The following DLG2 variants were observed in gnomAD, a reference collection of about 807,000 sequenced individuals.
DLG2 encodes disks large homolog 2.
In DLG2, 45 loss-of-function variants were observed where a neutral mutation model predicts 132.5. That is an observed-to-expected ratio of 0.34 (90% confidence interval 0.27 to 0.44). The LOEUF (loss-of-function observed/expected upper bound fraction) is 0.44, where lower values mean the gene tolerates loss of function less well. Ranked by LOEUF, DLG2 falls within the 20% of genes least tolerant of loss-of-function variation. The pLI, the probability that DLG2 is intolerant of heterozygous loss-of-function variation, is 1.00. For missense variants in DLG2, 1,045 were observed against 1,196.9 expected, an observed-to-expected ratio of 0.87 and a Z score of 1.87; for synonymous variants, 424 against 419.6, an observed-to-expected ratio of 1.01 and a Z score of -0.13.
intron 6 of DLG2, among the ~76,000 whole-genome samples, chr11:85,102,171 A>T (rs958761078): frequency 6.6e-6 from 1 of 152,072 alleles, no homozygotes; most frequent in Non-Finnish European, 1.5e-5. Flanking sequence ...GCCTATAGAG[A>T]TAGTAAACAA....
chr11:85,584,832 A>G (rs1304844249), intron 3 of DLG2, among the ~76,000 whole-genome samples: 1 of 151,854 alleles, frequency 6.6e-6, no homozygotes, highest in African/African-American at 2.4e-5. Context: ...TCCTTAGCCC[A>G]CCTTTTGATG....
intron 7 of DLG2, among the ~76,000 whole-genome samples, chr11:84,258,687 T>A (rs1297381415): frequency 6.6e-6 from 1 of 152,232 alleles, no homozygotes; most frequent in African/African-American, 2.4e-5. Flanking sequence ...AAGCAGTTTT[T>A]AAACCCATGT....
At chr11:85,028,548 G>A (rs948621503) in intron 6 of DLG2, among the ~76,000 whole-genome samples, 6 of 152,106 alleles carry the variant, frequency 3.9e-5, no homozygotes, top group Admixed American at 2.0e-4. Context: ...CCATGCTCAC[G>A]GGCACCCAAA....
intron 6 of DLG2, among the ~76,000 whole-genome samples, chr11:84,725,823 G>C (rs920147870): frequency 6.6e-6 from 1 of 151,692 alleles, no homozygotes; most frequent in Non-Finnish European, 1.5e-5. Context: ...AAATTATAAA[G>C]GCTTTGTGTC....
intron 9 of DLG2, among the ~76,000 whole-genome samples, chr11:84,152,567 T>C (rs959015997): frequency 6.6e-6 from 1 of 152,062 alleles, no homozygotes; most frequent in Non-Finnish European, 1.5e-5. Flanking sequence ...TTTGTATTTT[T>C]AGTAGAGATG....
intron 6 of DLG2, among the ~76,000 whole-genome samples, chr11:84,865,064 G>A (rs1451193406): frequency 6.6e-6 from 1 of 152,072 alleles, no homozygotes; most frequent in Non-Finnish European, 1.5e-5. Flanking sequence ...GTGGCCAGAG[G>A]TACCCTGCTT....
chr11:84,724,825 T>G (rs917245266), intron 6 of DLG2, among the ~76,000 whole-genome samples: 4 of 152,314 alleles, frequency 2.6e-5, no homozygotes, highest in African/African-American at 9.6e-5. Context: ...TAGCTATCAT[T>G]CTAGCCCATG....
chr11:84,868,655 A>G (rs2084998007), intron 6 of DLG2, among the ~76,000 whole-genome samples: 1 of 152,178 alleles, frequency 6.6e-6, no homozygotes, highest in South Asian at 2.1e-4. Context: ...GGAACTTCTC[A>G]GTCTCAGCAC....
intron 6 of DLG2, chr11:84,545,751 C>CTTTTTTTTTTTTTTTTTTTTTTTTTT (rs35596423): frequency 1.9e-5 from 2 of 106,434 alleles, no homozygotes; most frequent in Non-Finnish European, 1.8e-5. Context: ...AGGTGATGTT[C>CTTTTTTTTTTTTTTTTTTTTTTTTTT]TTTTTTTTTT....
At chr11:83,667,229 CA>C (rs1232524867) in intron 18 of DLG2, among the ~76,000 whole-genome samples, 1 of 152,104 alleles carries the variant, frequency 6.6e-6, no homozygotes, top group African/African-American at 2.4e-5. Context: ...AATGAGTTTT[CA>C]AGTGCATTTT....
At chr11:84,923,476 G>T in intron 6 of DLG2, 1 of 769,108 alleles carries the variant, frequency 1.3e-6, no homozygotes, top group Non-Finnish European at 1.6e-6. Context: ...TCAGGAAGGA[G>T]GGGGGGAAAG....
At chr11:84,221,641 T>A (rs964082921) in intron 8 of DLG2, among the ~76,000 whole-genome samples, 82 of 152,168 alleles carry the variant, frequency 5.4e-4, no homozygotes, top group African/African-American at 1.9e-3. Flanking sequence ...TTTCTTATCA[T>A]GTCAGATCCT....
At chr11:84,604,111 T>C (rs1352899393) in intron 6 of DLG2, among the ~76,000 whole-genome samples, 1 of 151,958 alleles carries the variant, frequency 6.6e-6, no homozygotes, top group East Asian at 1.9e-4. Flanking sequence ...CAAATAAGGA[T>C]AGTGTATCTA....
intron 6 of DLG2, among the ~76,000 whole-genome samples, chr11:84,685,194 C>T (rs1291303076): frequency 1.3e-5 from 2 of 152,174 alleles, no homozygotes; most frequent in Non-Finnish European, 2.9e-5. Flanking sequence ...ACCTATCCAC[C>T]ATACCATCCA....
At chr11:84,020,624 T>C (rs571536990) in intron 11 of DLG2, among the ~76,000 whole-genome samples, 64 of 152,350 alleles carry the variant, frequency 4.2e-4, no homozygotes, top group Middle Eastern at 6.8e-3. Context: ...TTTAATGTTT[T>C]GAAGTCATAA....
In DLG2 at chr11:83,483,429, C is replaced by A. The variant is rs887634866; in HGVS notation, c.2293+700G>T. ...CTGCCTTAACAATCTGGATCCCATT[C>A]TCTCTTCTTTTAAAAAAACTTTCAC... On this transcript the variant is annotated intron_variant, in intron 22 of 27. Coordinates refer to ENST00000376104, the MANE Select transcript of DLG2 (RefSeq NM_001142699.3). 12 of 603,370 alleles carry A rather than the reference C, an allele frequency of 2.0e-5. No homozygotes were observed. In the African/African-American group the frequency reaches 2.1e-4, roughly 10 times the overall value. The allele number at this position is 603,370 out of a possible 1,614,324, so 37.4% of individuals were successfully genotyped here.
chr11:83,744,535 C>T, intron 18 of DLG2, among the ~76,000 whole-genome samples: 1 of 152,202 alleles, frequency 6.6e-6, no homozygotes, highest in East Asian at 1.9e-4. Flanking sequence ...AGGACCTACA[C>T]TTACATATAT....
At chr11:85,133,577 T>G (rs1471877110) in intron 5 of DLG2, among the ~76,000 whole-genome samples, 1 of 152,228 alleles carries the variant, frequency 6.6e-6, no homozygotes, top group African/African-American at 2.4e-5. Flanking sequence ...ATTTCTCCTT[T>G]TTTGTGTTTA....
chr11:85,064,284 C>G (rs2064542279), intron 6 of DLG2, among the ~76,000 whole-genome samples: 1 of 151,744 alleles, frequency 6.6e-6, no homozygotes, highest in Non-Finnish European at 1.5e-5. Flanking sequence ...CTATTCAATT[C>G]TAGGTACAAG....
Sources: allele counts gnomAD v4.1 joint callset (sites outside exome capture counted in the v4.1 genomes callset), GRCh38; gene constraint gnomAD v4.1.1; transcripts MANE v1.5; gene names NCBI Gene and HGNC (gene_info 2026-07-23, HGNC 2026-07-21).